Variants in DSG1 observed in about 807,000 individuals in gnomAD.
DSG1 encodes desmoglein-1.
DSG1 carries 39 observed loss-of-function variants against 97.5 expected under a neutral mutation model. The ratio of observed to expected loss-of-function variants is 0.40; its 90% confidence interval spans 0.31 to 0.52. The LOEUF (loss-of-function observed/expected upper bound fraction) is 0.52, where lower values mean the gene tolerates loss of function less well. Ranked by LOEUF, DSG1 falls within the 20% of genes least tolerant of loss-of-function variation. DSG1 has a pLI of 0.53. For synonymous variants in DSG1, 475 were observed against 443.4 expected, an observed-to-expected ratio of 1.07 and a Z score of -0.90; for missense variants, 1,311 against 1,295.4, an observed-to-expected ratio of 1.01 and a Z score of -0.18.
intron 14 of DSG1, 138 bp from the exon 15 acceptor site, chr18:31,354,159 A>G: frequency 3.0e-6 from 2 of 676,268 alleles, no homozygotes; most frequent in Admixed American, 2.8e-5. Flanking sequence ...TTTTTAGAGC[A>G]TCTCTAGTAT....
chr18:31,353,385 G>A (rs1299086258), intron 14 of DSG1, among the ~76,000 whole-genome samples: 7 of 150,782 alleles, frequency 4.6e-5, no homozygotes, highest in Non-Finnish European at 7.4e-5. Context: ...CTGTCAGACA[G>A]GGACATTTAA....
chr18:31,343,309 G>T, intron 11 of DSG1, 141 bp from the exon 12 acceptor site: 1 of 1,199,640 alleles, frequency 8.3e-7, no homozygotes. Flanking sequence ...CCATCATTCA[G>T]CTTGTATTCT....
In DSG1 at chr18:31,354,577, G is replaced by A; in HGVS notation, c.2381G>A (p.Ser794Asn). Residue 794 changes from serine (S) to asparagine (N), a missense_variant, in exon 15 of 15, where the codon AGT (serine) becomes AAT (asparagine). Physicochemically the swap from Ser to Asn is conservative, Grantham distance 46. Coordinates refer to ENST00000257192, the MANE Select transcript of DSG1 (RefSeq NM_001942.4). ...CCTCAGGAAACAGAGCCCGTTGTTA[G>A]TGGACACCCACCAATCTCCCCACAT... ...CLPQETEPVV[S>N]GHPPISPHFG... 6.2e-7 allele frequency: 1 copy of A among 1,614,170 alleles called. No individual in the cohort carries two copies. Among genetic ancestry groups the A allele is most frequent in the Non-Finnish European group, 8.5e-7 (1 of 1,180,036 alleles).
In DSG1 at chr18:31,355,418, T is replaced by C. The variant is rs924212967; in HGVS notation, c.*72T>C. On this transcript the variant is annotated 3_prime_UTR_variant, in exon 15 of 15. Coordinates refer to ENST00000257192, the MANE Select transcript of DSG1 (RefSeq NM_001942.4). ...ATTCCCACCACTAAAAAACCAACAA[T>C]GTGATTTATAACGCACAACTTCGTG... 6.9e-7 allele frequency: 1 copy of C among 1,459,010 alleles called. No individual in the cohort carries two copies. The highest frequency in any genetic ancestry group is 9.5e-7 in the Non-Finnish European group (1 of 1,051,852). 90.4% of individuals were successfully genotyped at this position (1,459,010 alleles called of 1,614,324 possible).
At chr18:31,347,425 G>C (rs186254362) in intron 14 of DSG1, among the ~76,000 whole-genome samples, 21 of 152,196 alleles carry the variant, frequency 1.4e-4, no homozygotes, top group Admixed American at 1.2e-3. Context: ...ATATGCTTCT[G>C]TGTTGTCTGT....
chr18:31,343,001 C>T (rs2071800182), intron 11 of DSG1, among the ~76,000 whole-genome samples: 1 of 151,676 alleles, frequency 6.6e-6, no homozygotes, highest in African/African-American at 2.4e-5. Context: ...GCCTCAACCT[C>T]CCTGGCTCAA....
intron 10 of DSG1, among the ~76,000 whole-genome samples, chr18:31,339,380 T>A (rs546714921): frequency 3.9e-5 from 6 of 152,202 alleles, no homozygotes; most frequent in South Asian, 2.1e-4. Flanking sequence ...AGATCATTTT[T>A]AAAAATATCA....
chr18:31,348,638 C>T (rs1194476121), intron 14 of DSG1, among the ~76,000 whole-genome samples: 16 of 151,256 alleles, frequency 1.1e-4, no homozygotes, highest in Admixed American at 7.2e-4. Flanking sequence ...CTGTTGTTTC[C>T]TGACTTTTTA....
chr18:31,349,574 C>T (rs1450163747), intron 14 of DSG1, among the ~76,000 whole-genome samples: 4 of 121,946 alleles, frequency 3.3e-5, no homozygotes, highest in South Asian at 3.1e-4. Flanking sequence ...GCCATTTTCA[C>T]GATATTGATT....
chr18:31,329,785 T>A, intron 4 of DSG1, 107 bp from the exon 5 acceptor site: 1 of 1,387,528 alleles, frequency 7.2e-7, no homozygotes. Flanking sequence ...ATGTTCTAAG[T>A]AGACATAATA....
In DSG1 at chr18:31,356,368, C is replaced by T. The variant is rs1158156089; in HGVS notation, c.*1022C>T. On this transcript the variant is annotated 3_prime_UTR_variant, in exon 15 of 15. Coordinates refer to ENST00000257192, the MANE Select transcript of DSG1 (RefSeq NM_001942.4). ...TGAAGTTAAAATGATTTACATAGGC[C>T]GAGCTGTGGACAAAAAAAAAAGAAG... 5.3e-5 allele frequency: 8 copies of T among 151,054 alleles called. No homozygotes were observed. The highest frequency in any genetic ancestry group is 1.9e-4 in the East Asian group (1 of 5,156). 9.4% of individuals were successfully genotyped at this position (151,054 alleles called of 1,614,324 possible).
In DSG1 at chr18:31,354,887, G is replaced by A; in HGVS notation, c.2691G>A (p.Arg897=). Reference sequence around the variant, plus strand: ...GGTCGAATGTTATAGTGACAGAAAGGGTAATAGCACCAAGCTCTAGTCTAC... The same window carrying A: ...GGTCGAATGTTATAGTGACAGAAAGAGTAATAGCACCAAGCTCTAGTCTAC... ...RDGSNVIVTE[R]VIAPSSSLPT... is the part of the protein sequence containing the mutation. Residue 897 remains arginine (R), a synonymous_variant, in exon 15 of 15, where the codon AGG becomes AGA. Transcript: ENST00000257192. 6.2e-7 allele frequency: 1 copy of A among 1,614,152 alleles called. No homozygotes were observed. The highest frequency in any genetic ancestry group is 1.6e-4 in the Middle Eastern group (1 of 6,062).
intron 5 of DSG1, among the ~76,000 whole-genome samples, chr18:31,330,470 T>A (rs2071713642): frequency 6.6e-6 from 1 of 152,146 alleles, no homozygotes; most frequent in Non-Finnish European, 1.5e-5. Context: ...TTTTTGTGAT[T>A]TAACCTTTAA....
Position 31,336,386 on chromosome 18 carries a change from A to G in DSG1, c.1038A>G (p.Gln346=), listed in dbSNP as rs1418621913. The G allele has an allele frequency of 1.9e-6, 3 of 1,613,744 alleles. No homozygotes were observed. The highest frequency in any genetic ancestry group is 2.7e-5 in the African/African-American group (2 of 74,896). The change falls in exon 9 of 15, where the codon CAA becomes CAG. Residue 346 remains glutamine (Q), a synonymous_variant. Transcript: ENST00000257192. ...ATTATGAAGCTATGCAGAGTCTGCAACTCAGTATTGGTGTCAGAAATAAAG... is the reference window on the plus strand; with the variant it reads ...ATTATGAAGCTATGCAGAGTCTGCAGCTCAGTATTGGTGTCAGAAATAAAG... ...PLDYEAMQSL[Q]LSIGVRNKAE... is the part of the protein sequence containing the mutation.
In DSG1 at chr18:31,343,942, T is replaced by A; in HGVS notation, c.1838T>A (p.Ile613Lys). ...GTCTTTTAGGATATAACCACTGTCA[T>A]ACCACAAATACCACCTGATAACGCA... The part of the protein sequence containing the change: ...QPEPRDITTV[I>K]PQIPPDNANI... The change falls in exon 13 of 15, where the codon ATA becomes AAA. Residue 613 changes from isoleucine (I) to lysine (K), a missense_variant. Around this residue, in one of 3 missense-constraint regions of DSG1, gnomAD observed 1,038 missense variants for 964.6 expected, o/e 1.08. Coordinates refer to ENST00000257192, the MANE Select transcript of DSG1 (RefSeq NM_001942.4). 6.2e-7 allele frequency: 1 copy of A among 1,613,072 alleles called. No individual in the cohort carries two copies. Among genetic ancestry groups the A allele is most frequent in the Non-Finnish European group, 8.5e-7 (1 of 1,179,184 alleles).
chr18:31,333,132 G>A (rs538741093), intron 6 of DSG1, among the ~76,000 whole-genome samples: 1 of 152,150 alleles, frequency 6.6e-6, no homozygotes, highest in South Asian at 2.1e-4. Context: ...CCATTGAATA[G>A]AGTCAAGAAT....
chr18:31,324,364 C>A (rs2071673304), intron 1 of DSG1, among the ~76,000 whole-genome samples: 1 of 151,622 alleles, frequency 6.6e-6, no homozygotes, highest in Non-Finnish European at 1.5e-5. Context: ...TAGTTTTATC[C>A]TCAATTGCAG....
rs907313041 is a variant in DSG1, at chr18:31,358,540, G to C, written c.*3194G>C. Among the ~76,000 whole-genome samples the C allele has an allele frequency of 6.6e-6, 1 of 151,952 alleles. No homozygotes were observed. The highest frequency in any genetic ancestry group is 2.1e-4 in the South Asian group (1 of 4,826). ...AAAATTACATTTTTTACTCTAGTAA[G>C]TAGATGTTTTTAGTTATCTGGCAAT... On this transcript the variant is annotated 3_prime_UTR_variant, in exon 15 of 15. Transcript: ENST00000257192.
At chr18:31,320,483 G>C (rs1302656331) in intron 1 of DSG1, among the ~76,000 whole-genome samples, 1 of 152,172 alleles carries the variant, frequency 6.6e-6, no homozygotes, top group Non-Finnish European at 1.5e-5. Flanking sequence ...TCATCTCAAT[G>C]CATCTGAAGG....
Sources: allele counts gnomAD v4.1 joint callset (sites outside exome capture counted in the v4.1 genomes callset), GRCh38; gene constraint gnomAD v4.1.1; regional missense constraint gnomAD v4.1.1; transcripts MANE v1.5; gene names NCBI Gene and HGNC (gene_info 2026-07-23, HGNC 2026-07-21).